CLYBL: variants seen among roughly 807,000 people sequenced by gnomAD.
CLYBL encodes citramalyl-CoA lyase, mitochondrial.
Under a neutral mutation model 38.9 loss-of-function variants are expected in CLYBL, and 31 were observed. That is an observed-to-expected ratio of 0.80 (90% CI 0.60 to 1.08). The LOEUF is 1.08. CLYBL is among the 50% of genes least tolerant of loss of function. The pLI is 0.00. For synonymous variants in CLYBL, 171 were observed against 158.6 expected (o/e 1.08, Z -0.59); for missense variants, 434 against 411.6 (o/e 1.05, Z -0.47).
At chr13:99,705,013 A>T (rs2048125036) in intron 1 of CLYBL, among the ~76,000 whole-genome samples, 2 of 152,228 alleles carry the variant, frequency 1.3e-5, no homozygotes, top group Non-Finnish European at 1.5e-5. Flanking sequence ...TTGCAACATT[A>T]TGTTTAAGCA....
intron 1 of CLYBL, among the ~76,000 whole-genome samples, chr13:99,731,722 C>A (rs950268044): frequency 6.6e-6 from 1 of 152,110 alleles, no homozygotes; most frequent in Non-Finnish European, 1.5e-5. Context: ...GGACAGTGGA[C>A]CCCTGGATGG....
chr13:99,815,313 G>A (rs1284515173), intron 2 of CLYBL, among the ~76,000 whole-genome samples: 1 of 152,170 alleles, frequency 6.6e-6, no homozygotes, highest in African/African-American at 2.4e-5. Flanking sequence ...GGATGGTGTA[G>A]ATGAGGGGAT....
At chr13:99,712,855 G>A (rs556688171) in intron 1 of CLYBL, among the ~76,000 whole-genome samples, 3 of 151,980 alleles carry the variant, frequency 2.0e-5, no homozygotes, top group South Asian at 2.1e-4. Flanking sequence ...TAATCCTGGC[G>A]TTTGCTCTGT....
intron 2 of CLYBL, among the ~76,000 whole-genome samples, chr13:99,839,018 A>G (rs79181471): frequency 0.01 from 1,572 of 152,354 alleles, 29 homozygotes; most frequent in African/African-American, 0.036. Flanking sequence ...AGACTACCCT[A>G]AAGACCATAT....
chr13:99,852,739 A>G (rs1257947314), intron 2 of CLYBL, among the ~76,000 whole-genome samples: 2 of 151,968 alleles, frequency 1.3e-5, no homozygotes, highest in Non-Finnish European at 2.9e-5. Flanking sequence ...TCCCCCCTAC[A>G]CTTTATTAAA....
intron 6 of CLYBL, among the ~76,000 whole-genome samples, chr13:99,870,408 G>T (rs967539050): frequency 1.3e-5 from 2 of 152,142 alleles, no homozygotes; most frequent in African/African-American, 4.8e-5. Context: ...TTGTAAAGCT[G>T]TATTTGATAG....
At chr13:99,881,589 ATTTTTT>A (rs1017589977) in intron 7 of CLYBL, among the ~76,000 whole-genome samples, 2 of 136,254 alleles carry the variant, frequency 1.5e-5, no homozygotes, top group African/African-American at 5.4e-5. Context: ...CATCCAGTTA[ATTTTTT>A]TTTTTTTTTT....
chr13:99,830,996 A>G (rs1181807833), intron 2 of CLYBL, among the ~76,000 whole-genome samples: 1 of 152,144 alleles, frequency 6.6e-6, no homozygotes, highest in Non-Finnish European at 1.5e-5. Flanking sequence ...CACAGAGGAG[A>G]AGACAGACAC....
At chr13:99,726,587 G>C (rs2048476189) in intron 1 of CLYBL, 2 of 152,146 alleles carry the variant, frequency 1.3e-5, no homozygotes, top group African/African-American at 4.8e-5. Context: ...ACAGGCTGTC[G>C]TCATTTACTT....
intron 1 of CLYBL, among the ~76,000 whole-genome samples, chr13:99,618,672 A>G (rs753008719): frequency 7.2e-5 from 11 of 152,014 alleles, no homozygotes; most frequent in Non-Finnish European, 1.6e-4. Flanking sequence ...TTATCTTCCC[A>G]CACTGAAACC....
rs532210348 is a variant in CLYBL at position 99,865,241 on chromosome 13, G to A, written c.634+330G>A. 3.5e-5 allele frequency: 12 copies of A among 344,914 alleles called. No homozygotes were observed. The East Asian group carries it at 6.5e-4, about 19-fold the overall frequency. 21.4% of individuals were successfully genotyped at this position (344,914 alleles called of 1,614,324 possible). A position where few individuals can be genotyped will look rare whatever the true frequency, so the allele number is the denominator to read the frequency against. Reference sequence around the variant, plus strand: ...AATATATTATGTGAACAGCCTCACCGTTGCTTCAGTATTTTGTTTTCATAT... The same window carrying A: ...AATATATTATGTGAACAGCCTCACCATTGCTTCAGTATTTTGTTTTCATAT... On this transcript the variant is annotated intron_variant, in intron 5 of 8. Coordinates refer to ENST00000339105, the MANE Select transcript of CLYBL (RefSeq NM_206808.5). This position sits in a 1 kb window ranked among gnomAD's most constrained non-coding sequence, Gnocchi z 4.7.
rs1430865029 is a variant in CLYBL, at chr13:99,891,405, GA to G, written c.1020del (p.Lys340AsnfsTer45). The G allele has an allele frequency of 2.5e-6, 4 of 1,612,144 alleles. No homozygotes were observed. In the South Asian group the frequency reaches 4.4e-5, roughly 18 times the overall value. The part of the protein sequence containing the change: ...NTVTLATSIK[E>X]K ...TGTTACGCTTGCCACCTCCATCAAG[GA>G]AAAATGATCTGTTAAATGAAGCTGT... On this transcript the variant is annotated frameshift_variant, in exon 8 of 9. Coordinates refer to ENST00000339105, the MANE Select transcript of CLYBL (RefSeq NM_206808.5). LOFTEE classifies it high-confidence loss of function.
intron 1 of CLYBL, among the ~76,000 whole-genome samples, chr13:99,766,718 A>G (rs552159254): frequency 1.3e-5 from 2 of 152,182 alleles, no homozygotes; most frequent in East Asian, 3.9e-4. Flanking sequence ...TTTTAGCTCT[A>G]GGTGGAGCCT....
intron 2 of CLYBL, among the ~76,000 whole-genome samples, chr13:99,841,541 AGGCGCGTGCCACC>A (rs948851355): frequency 2.7e-4 from 41 of 151,990 alleles, no homozygotes; most frequent in Non-Finnish European, 5.0e-4. Context: ...CTGGTACTAC[AGGCGCGTGCCACC>A]ACGCCTGGCT....
intron 1 of CLYBL, among the ~76,000 whole-genome samples, chr13:99,629,089 C>G (rs1274975944): frequency 2.6e-5 from 4 of 152,170 alleles, no homozygotes; most frequent in Admixed American, 1.3e-4. Flanking sequence ...GCAGAGAGAG[C>G]CCTGGGGTTG....
chr13:99,748,300 A>C (rs1439654089), intron 1 of CLYBL, among the ~76,000 whole-genome samples: 35 of 151,756 alleles, frequency 2.3e-4, no homozygotes, highest in Non-Finnish European at 7.4e-5. Context: ...GAATCTCTTG[A>C]ACCTGAGAGG....
chr13:99,645,785 C>G (rs1213375886), intron 1 of CLYBL, among the ~76,000 whole-genome samples: 1 of 152,004 alleles, frequency 6.6e-6, no homozygotes, highest in African/African-American at 2.4e-5. Context: ...TGTGGGCTGT[C>G]TCTTCACTTT....
chr13:99,606,828 C>A, intron 1 of CLYBL, 71 bp downstream of exon 1: 1 of 1,301,710 alleles, frequency 7.7e-7, no homozygotes, highest in Non-Finnish European at 9.7e-7. Context: ...TGCAGCCCCG[C>A]GGGCCGGGCG....
chr13:99,814,078 A>G (rs776162792), intron 2 of CLYBL, among the ~76,000 whole-genome samples: 2 of 152,134 alleles, frequency 1.3e-5, no homozygotes, highest in Non-Finnish European at 2.9e-5. Flanking sequence ...TGGCCCAACA[A>G]GGTTTTGTTT....
Sources: gnomAD v4.1 joint callset for allele counts (sites outside exome capture counted in the v4.1 genomes callset) on GRCh38, gnomAD v4.1.1 for gene constraint, Gnocchi (gnomAD v3.1) non-coding constraint, MANE v1.5 for transcripts, NCBI Gene and HGNC (gene_info 2026-07-23, HGNC 2026-07-21) for gene names.